DLG2: variants seen among roughly 807,000 people sequenced by gnomAD.
The protein encoded by DLG2 is disks large homolog 2.
In DLG2, 45 loss-of-function variants were observed where a neutral mutation model predicts 132.5. The ratio of observed to expected loss-of-function variants is 0.34; its 90% CI spans 0.27 to 0.44. DLG2 has a LOEUF of 0.44. Among genes scored for constraint, DLG2 ranks in the 20% least tolerant of loss-of-function variants. The pLI is 1.00. For synonymous variants in DLG2, 424 were observed against 419.6 expected (o/e 1.01, Z -0.13); for missense variants, 1,045 against 1,196.9 (o/e 0.87, Z 1.87).
chr11:83,466,777 T>C lies in DLG2; in HGVS notation c.2660A>G (p.Lys887Arg). ...ATAGAGCTGGGCAACTTGTAACCGC[T>C]TGATAGCATTTCCTGATACATCAAG... ...CILDVSGNAI[K>R]RLQVAQLYPI... The change falls in exon 26 of 28, where the codon AAG (lysine) becomes AGG (arginine). Residue 887 changes from lysine to arginine, a missense_variant. Lys to Arg is a conservative substitution (Grantham distance 26, BLOSUM62 2). This residue lies in a region of DLG2 where 398 missense variants were observed against 543.6 expected (regional missense o/e 0.73). Transcript: ENST00000376104. The C allele has an allele frequency of 6.2e-7, 1 of 1,613,770 alleles. No individual in the cohort carries two copies. Among genetic ancestry groups the C allele is most frequent in the Non-Finnish European group, 8.5e-7 (1 of 1,179,740 alleles).
chr11:84,309,188 G>A (rs531035041), intron 7 of DLG2, among the ~76,000 whole-genome samples: 15 of 152,272 alleles, frequency 9.9e-5, no homozygotes, highest in African/African-American at 2.4e-4. Flanking sequence ...TGCACCCCCC[G>A]AGCCTAAAAT....
chr11:85,386,509 T>C (rs1443141328), intron 3 of DLG2, among the ~76,000 whole-genome samples: 1 of 152,148 alleles, frequency 6.6e-6, no homozygotes, highest in Non-Finnish European at 1.5e-5. Context: ...ATGGGATGAA[T>C]TCGTAGGACT....
intron 3 of DLG2, among the ~76,000 whole-genome samples, chr11:85,577,809 T>C (rs1294672382): frequency 1.3e-5 from 2 of 152,258 alleles, no homozygotes; most frequent in South Asian, 2.1e-4. Context: ...AAAATGGCCA[T>C]ACTACCCAAA....
chr11:85,324,630 G>A lies in DLG2; in HGVS notation c.41-39265C>T, dbSNP rs373981961. 7.2e-5 allele frequency among the ~76,000 whole-genome samples: 11 copies of A among 152,180 alleles called. No homozygotes were observed. The East Asian group carries it at 9.7e-4, about 13-fold the overall frequency. On this transcript the variant is annotated intron_variant, in intron 3 of 27. Coordinates refer to ENST00000376104, the MANE Select transcript of DLG2 (RefSeq NM_001142699.3). ...AGTAGTTTCTAACATACCTGAAAAC[G>A]GCTGCCTACAGAAAAAAGCTACACA...
chr11:83,781,325 C>T (rs1009636549), intron 18 of DLG2, among the ~76,000 whole-genome samples: 1 of 152,016 alleles, frequency 6.6e-6, no homozygotes, highest in Non-Finnish European at 1.5e-5. Flanking sequence ...TTTTGGTTCA[C>T]TGCTTTGTTA....
chr11:83,782,049 T>A (rs539838046), intron 18 of DLG2, among the ~76,000 whole-genome samples: 1 of 152,198 alleles, frequency 6.6e-6, no homozygotes, highest in African/African-American at 2.4e-5. Flanking sequence ...AAACAACAGC[T>A]GTAGATTTTC....
intron 2 of DLG2, among the ~76,000 whole-genome samples, chr11:85,614,212 T>C (rs1026397332): frequency 2.6e-5 from 4 of 152,212 alleles, no homozygotes; most frequent in Non-Finnish European, 5.9e-5. Flanking sequence ...TATTCACATA[T>C]GCTTAATTCT....
chr11:84,931,762 C>T (rs1161504046), intron 6 of DLG2, among the ~76,000 whole-genome samples: 1 of 152,202 alleles, frequency 6.6e-6, no homozygotes, highest in African/African-American at 2.4e-5. Context: ...TTTTTATCCA[C>T]AACCTTGCCA....
chr11:84,236,931 T>G (rs796196570), intron 8 of DLG2, among the ~76,000 whole-genome samples: 13 of 137,978 alleles, frequency 9.4e-5, no homozygotes, highest in East Asian at 8.4e-4. Context: ...ATGTTTTTTT[T>G]TTTGTTTTTT....
chr11:85,153,841 AT>A (rs1026856608), intron 5 of DLG2, among the ~76,000 whole-genome samples: 1 of 152,204 alleles, frequency 6.6e-6, no homozygotes, highest in African/African-American at 2.4e-5. Flanking sequence ...TCACATTAAA[AT>A]TTCAAAAGTA....
intron 7 of DLG2, among the ~76,000 whole-genome samples, chr11:84,335,179 AGGAAGG>A (rs2098478270): frequency 1.4e-5 from 2 of 144,328 alleles, no homozygotes; most frequent in Non-Finnish European, 3.0e-5. Flanking sequence ...AAAAAAAAAA[AGGAAGG>A]AAGGGGAAGG....
At chr11:85,137,942 T>A (rs1019598378) in intron 5 of DLG2, among the ~76,000 whole-genome samples, 1 of 152,030 alleles carries the variant, frequency 6.6e-6, no homozygotes, top group Admixed American at 6.6e-5. Context: ...TTTCTATCAT[T>A]AAAAAAATCA....
chr11:83,876,381 G>A lies in DLG2; in HGVS notation c.1497-1893C>T, dbSNP rs540339017. 5.3e-5 allele frequency among the ~76,000 whole-genome samples: 8 copies of A among 152,000 alleles called. No homozygotes were observed. The South Asian group carries it at 1.7e-3, about 32-fold the overall frequency. Reference sequence around the variant, plus strand: ...TTAGTCATACAGTCAGTGCCACAAGGTGTATATTTCTGTGTATAACTTTAG... The same window carrying A: ...TTAGTCATACAGTCAGTGCCACAAGATGTATATTTCTGTGTATAACTTTAG... On this transcript the variant is annotated intron_variant, in intron 15 of 27. Coordinates refer to ENST00000376104, the MANE Select transcript of DLG2 (RefSeq NM_001142699.3).
chr11:83,671,287 C>T (rs1312343457), intron 18 of DLG2, among the ~76,000 whole-genome samples: 1 of 152,170 alleles, frequency 6.6e-6, no homozygotes, highest in Non-Finnish European at 1.5e-5. Context: ...GTATATAGAA[C>T]ATAAATTGAG....
intron 10 of DLG2, among the ~76,000 whole-genome samples, chr11:84,066,347 T>C (rs919139056): frequency 6.6e-6 from 1 of 152,352 alleles, no homozygotes; most frequent in East Asian, 1.9e-4. Flanking sequence ...GTAAAACTTA[T>C]AGTTGTTTTG....
chr11:84,603,235 T>A (rs2099579786), intron 6 of DLG2, among the ~76,000 whole-genome samples: 1 of 151,978 alleles, frequency 6.6e-6, no homozygotes. Context: ...AATATTGAGC[T>A]ATTAAAGGGC....
At chr11:84,367,874 T>C (rs1056096801) in intron 7 of DLG2, among the ~76,000 whole-genome samples, 1 of 152,154 alleles carries the variant, frequency 6.6e-6, no homozygotes, top group Non-Finnish European at 1.5e-5. Context: ...GAAAATGGAC[T>C]AAGACACTGT....
chr11:83,759,115 A>G (rs1301785221), intron 18 of DLG2, among the ~76,000 whole-genome samples: 1 of 152,232 alleles, frequency 6.6e-6, no homozygotes, highest in Non-Finnish European at 1.5e-5. Flanking sequence ...AGAGAATAAG[A>G]AGTACATAAA....
intron 6 of DLG2, among the ~76,000 whole-genome samples, chr11:84,734,350 T>A (rs1464579943): frequency 1.3e-5 from 2 of 152,170 alleles, no homozygotes; most frequent in South Asian, 4.1e-4. Context: ...AAGAGTTCCT[T>A]CACATCCCTT....
Sources: gnomAD v4.1 joint callset for allele counts (sites outside exome capture counted in the v4.1 genomes callset) on GRCh38, gnomAD v4.1.1 for gene constraint, gnomAD v4.1.1 regional missense constraint, MANE v1.5 for transcripts, NCBI Gene and HGNC (gene_info 2026-07-23, HGNC 2026-07-21) for gene names.